Variants in CSNK2A1 observed in about 807,000 individuals in gnomAD.
CSNK2A1 encodes the protein casein kinase 2 alpha 1.
In CSNK2A1, 10 loss-of-function variants were observed where a neutral mutation model predicts 62.9. The observed-to-expected ratio is 0.16, with a 90% CI of 0.10 to 0.27. CSNK2A1 has a LOEUF of 0.27. Among genes scored for constraint, CSNK2A1 ranks in the 10% least tolerant of loss-of-function variants. The pLI is 1.00. For synonymous variants in CSNK2A1, 124 were observed against 167.8 expected (o/e 0.74, Z 2.02); for missense variants, 160 against 492.0 (o/e 0.33, Z 6.38).
At chr20:497,825 A>G (rs754121144) in intron 6 of CSNK2A1, 45 bp from the exon 7 acceptor site, 1 of 1,572,486 alleles carries the variant, frequency 6.4e-7, no homozygotes, top group East Asian at 2.2e-5. Flanking sequence ...GCTGACAGAA[A>G]GGCATTTTTC....
At chr20:503,728 G>T in intron 4 of CSNK2A1, 1 of 398,586 alleles carries the variant, frequency 2.5e-6, no homozygotes, top group South Asian at 1.3e-4. Context: ...AAATGAGGGT[G>T]GTGGTGTCCA....
At chr20:515,518 A>G (rs951832194) in intron 2 of CSNK2A1, among the ~76,000 whole-genome samples, 1 of 152,188 alleles carries the variant, frequency 6.6e-6, no homozygotes, top group African/African-American at 2.4e-5. Flanking sequence ...TAGCTTGACC[A>G]AGAATATCCA....
chr20:500,810 T>TATTTTAGCTAATTTA (rs2018450688), intron 4 of CSNK2A1: 7 of 151,938 alleles, frequency 4.6e-5, no homozygotes, highest in Non-Finnish European at 1.0e-4. Flanking sequence ...GGCTAATTTT[T>TATTTTAGCTAATTTA]GTATTTTTAG....
At chr20:509,722 C>G (rs1600393158) in intron 2 of CSNK2A1, among the ~76,000 whole-genome samples, 1 of 152,002 alleles carries the variant, frequency 6.6e-6, no homozygotes, top group Admixed American at 6.5e-5. Context: ...ACTACAGGCA[C>G]GCACCACCAC....
In CSNK2A1 at chr20:535,034, C is replaced by CAAA. The variant is rs11469217; in HGVS notation, c.-226-6988_-226-6986dup. On this transcript the variant is annotated intron_variant, in intron 1 of 13. Transcript: ENST00000217244. The stretch of plus-strand genomic sequence containing the variant: ...GGCAACAGAGTGAGATGCTATCTCC[C>CAAA]AAAAAAAAAAAAAAAAAAAAAAAAA... Among the ~76,000 whole-genome samples, 247 of 50,798 alleles carry CAAA rather than the reference C, an allele frequency of 4.9e-3. 1 individual carries two copies. The highest frequency in any genetic ancestry group is 0.018 in the African/African-American group (213 of 11,778). The allele number at this position is 50,798 out of a possible 152,430, so 33.3% of individuals were successfully genotyped here. A position where few individuals can be genotyped will look rare whatever the true frequency, so the allele number is the denominator to read the frequency against.
intron 2 of CSNK2A1, 41 bp from the exon 3 acceptor site, chr20:508,701 A>G: frequency 1.5e-6 from 1 of 670,428 alleles, no homozygotes; most frequent in Non-Finnish European, 2.5e-6. Flanking sequence ...AATCATTTAC[A>G]GAAGGTATAT....
chr20:485,113 T>TAATAATAATAATAATA (rs1568496745), intron 13 of CSNK2A1, among the ~76,000 whole-genome samples: 5 of 37,188 alleles, frequency 1.3e-4, no homozygotes, highest in African/African-American at 5.6e-4. Context: ...AAAAAAAATA[T>TAATAATAATAATAATA]ATATATATAT....
intron 2 of CSNK2A1, among the ~76,000 whole-genome samples, chr20:513,596 G>T (rs1450779645): frequency 6.6e-6 from 1 of 152,074 alleles, no homozygotes; most frequent in Non-Finnish European, 1.5e-5. Flanking sequence ...ATTTCTCCCT[G>T]GAAACCATCT....
chr20:498,678 G>A (rs935451147), intron 6 of CSNK2A1: 2 of 152,144 alleles, frequency 1.3e-5, no homozygotes, highest in African/African-American at 4.8e-5. Flanking sequence ...GCAAATCGAA[G>A]ATTTTTACTT....
Position 499,328 on chromosome 20 carries a change from A to G in CSNK2A1, c.316-23T>C. 1 of 1,605,524 alleles carries G rather than the reference A, an allele frequency of 6.2e-7. No homozygotes were observed. The highest frequency in any genetic ancestry group is 8.5e-7 in the Non-Finnish European group (1 of 1,176,678). The stretch of plus-strand genomic sequence containing the variant: ...TGACTAGGGGAAAAGAACAAAAACA[A>G]AAACACACATTAGCAATAGCCCTGA... On this transcript the variant is annotated intron_variant, in intron 5 of 13. Coordinates refer to ENST00000217244, the MANE Select transcript of CSNK2A1 (RefSeq NM_177559.3). The surrounding 1 kb of genome is among the most constrained non-coding windows in gnomAD (Gnocchi z 4.2).
At chr20:509,958 T>C (rs192448285) in intron 2 of CSNK2A1, among the ~76,000 whole-genome samples, 4 of 152,260 alleles carry the variant, frequency 2.6e-5, no homozygotes, top group African/African-American at 9.6e-5. Context: ...ACTATACTTC[T>C]AAAACATGTC....
chr20:535,034 CAAAAAAAAAAAAA>C (rs11469217), intron 1 of CSNK2A1, among the ~76,000 whole-genome samples: 21 of 50,796 alleles, frequency 4.1e-4, no homozygotes, highest in South Asian at 1.2e-3. Flanking sequence ...TGCTATCTCC[CAAAAAAAAAAAAA>C]AAAAAAAAAA....
At chr20:485,066 CAAAAAAAAAAAAAA>C (rs1157352244) in intron 13 of CSNK2A1, among the ~76,000 whole-genome samples, 27 of 22,024 alleles carry the variant, frequency 1.2e-3, no homozygotes, top group African/African-American at 4.3e-3. Context: ...ACCTTGTCTC[CAAAAAAAAAAAAAA>C]AAAAAAAAAA....
chr20:492,219 C>G, intron 9 of CSNK2A1, 35 bp downstream of exon 9: 1 of 1,560,492 alleles, frequency 6.4e-7, no homozygotes, highest in Non-Finnish European at 8.8e-7. Context: ...GAAATAAACA[C>G]AGGATCAAAA....
intron 2 of CSNK2A1, among the ~76,000 whole-genome samples, chr20:526,365 C>A (rs759001830): frequency 6.6e-6 from 1 of 151,890 alleles, no homozygotes; most frequent in Non-Finnish European, 1.5e-5. Context: ...AATCCCAATA[C>A]TTAGGAAGGC....
intron 7 of CSNK2A1, chr20:496,717 T>C (rs1395922597): frequency 6.6e-6 from 1 of 152,234 alleles, no homozygotes; most frequent in East Asian, 1.9e-4. Context: ...TTATGTCAAC[T>C]CTTGTTTAGT....
chr20:499,384 C>T lies in CSNK2A1; in HGVS notation c.316-79G>A. On this transcript the variant is annotated intron_variant, in intron 5 of 13. Coordinates refer to ENST00000217244, the MANE Select transcript of CSNK2A1 (RefSeq NM_177559.3). The surrounding 1 kb of genome is among the most constrained non-coding windows in gnomAD (Gnocchi z 4.2). ...TTAATGGGGACAATGTTTGCGGATG[C>T]TGCGTGGTGAAATTTGGCAGTCCTC... 4 of 1,428,628 alleles carry T rather than the reference C, an allele frequency of 2.8e-6. No homozygotes were observed. The highest frequency in any genetic ancestry group is 2.3e-5 in the East Asian group (1 of 43,122). The allele number at this position is 1,428,628 out of a possible 1,614,324, so 88.5% of individuals were successfully genotyped here.
intron 4 of CSNK2A1, chr20:503,279 C>A (rs904934097): frequency 5.2e-6 from 2 of 385,690 alleles, no homozygotes; most frequent in African/African-American, 2.1e-5. Flanking sequence ...CGAGGACCTG[C>A]GACTAAAGGC....
chr20:489,607 A>G, intron 10 of CSNK2A1, 173 bp downstream of exon 10: 2 of 461,132 alleles, frequency 4.3e-6, no homozygotes, highest in Non-Finnish European at 3.8e-6. Context: ...TGCAAATGAC[A>G]AAGACTAGGG....
Sources: gnomAD v4.1 joint callset for allele counts (sites outside exome capture counted in the v4.1 genomes callset) on GRCh38, gnomAD v4.1.1 for gene constraint, Gnocchi (gnomAD v3.1) non-coding constraint, MANE v1.5 for transcripts, NCBI Gene and HGNC (gene_info 2026-07-23, HGNC 2026-07-21) for gene names.